SCN10A: variants seen among roughly 807,000 people sequenced by gnomAD.
SCN10A encodes the protein sodium channel protein type 10 subunit alpha.
In SCN10A, 162 loss-of-function variants were observed where a neutral mutation model predicts 170.7. The ratio of observed to expected loss-of-function variants is 0.95; its 90% CI spans 0.84 to 1.08. The LOEUF (loss-of-function observed/expected upper bound fraction) is 1.08. Among genes scored for constraint, SCN10A ranks in the 50% least tolerant of loss-of-function variants. The pLI is 0.00. For missense variants in SCN10A, 2,527 were observed against 2,436.9 expected (o/e 1.04, Z -0.78); for synonymous variants, 985 against 904.6 (o/e 1.09, Z -1.59).
intron 3 of SCN10A, among the ~76,000 whole-genome samples, chr3:38,790,092 C>T (rs949893012): frequency 2.6e-5 from 4 of 152,064 alleles, no homozygotes; most frequent in Non-Finnish European, 5.9e-5. Context: ...ACCACATTTT[C>T]CTGCTGACTT....
At position 38,697,283 on chromosome 3, in the gene SCN10A, G is replaced by A. The variant is rs2063098645; in HGVS notation, c.*66C>T. Reference sequence around the variant, plus strand: ...CTGTAGCTGGGTGTGATCTGCAATGGGAAAGAGTTAACACAGAGCAGAAGG... The same window carrying A: ...CTGTAGCTGGGTGTGATCTGCAATGAGAAAGAGTTAACACAGAGCAGAAGG... On this transcript the variant is annotated 3_prime_UTR_variant, in exon 28 of 28. Transcript: ENST00000449082. The A allele has an allele frequency of 6.4e-7, 1 of 1,570,270 alleles. No homozygotes were observed. Among genetic ancestry groups the A allele is most frequent in the African/African-American group, 1.4e-5 (1 of 73,934 alleles).
chr3:38,763,468 G>A (rs372731104), intron 6 of SCN10A, 37 bp downstream of exon 6: 14 of 1,515,584 alleles, frequency 9.2e-6, no homozygotes, highest in Non-Finnish European at 1.1e-5. Flanking sequence ...GAGTTAGGCT[G>A]TGAAAACCAA....
intron 27 of SCN10A, 113 bp downstream of exon 27, chr3:38,701,726 A>G: frequency 9.9e-7 from 1 of 1,014,804 alleles, no homozygotes; most frequent in Middle Eastern, 2.6e-4. Context: ...GGGTTCTTCT[A>G]ACATAAACAC....
chr3:38,752,615 T>C, intron 11 of SCN10A, 103 bp from the exon 12 acceptor site: 4 of 916,336 alleles, frequency 4.4e-6, no homozygotes, highest in East Asian at 3.1e-5. Flanking sequence ...TGCCCCTGTC[T>C]TTATGACCTT....
At position 38,745,349 on chromosome 3, in the gene SCN10A, C is replaced by T. The variant is rs73826321; in HGVS notation, c.1868-2820G>A. 5.0e-3 allele frequency among the ~76,000 whole-genome samples: 763 copies of T among 152,290 alleles called. 10 individuals carry two copies. The highest frequency in any genetic ancestry group is 0.017 in the African/African-American group (722 of 41,556). On this transcript the variant is annotated intron_variant, in intron 13 of 27. Transcript: ENST00000449082. ...CTGCTCCTGTTAACACCAGTGTCTC[C>T]ACTGTGCATTCTCTCCTGCCACTGC...
chr3:38,746,010 A>T (rs1446971520), intron 13 of SCN10A, among the ~76,000 whole-genome samples: 1 of 141,672 alleles, frequency 7.1e-6, no homozygotes, highest in Non-Finnish European at 1.5e-5. Flanking sequence ...TACCACTTAC[A>T]TTCAAACTGC....
intron 21 of SCN10A, among the ~76,000 whole-genome samples, chr3:38,717,463 C>T (rs2063344819): frequency 6.6e-6 from 1 of 152,226 alleles, no homozygotes; most frequent in Admixed American, 6.5e-5. Context: ...AAATAATTTT[C>T]CTTTCATTTA....
chr3:38,778,951 G>A (rs1484659883), intron 4 of SCN10A, among the ~76,000 whole-genome samples: 5 of 152,012 alleles, frequency 3.3e-5, no homozygotes, highest in Admixed American at 3.3e-4. Flanking sequence ...TATGTCAACA[G>A]TTCAGTTAAT....
At chr3:38,718,604 G>A in intron 21 of SCN10A, 49 bp downstream of exon 21, 2 of 1,595,288 alleles carry the variant, frequency 1.3e-6, no homozygotes, top group Non-Finnish European at 1.7e-6. Context: ...GTAGCCAGGA[G>A]TCAGAGGGGA....
At chr3:38,797,955 T>G (rs192232408) in intron 1 of SCN10A, among the ~76,000 whole-genome samples, 9 of 152,258 alleles carry the variant, frequency 5.9e-5, no homozygotes, top group Admixed American at 5.2e-4. Context: ...AGTGATGTGA[T>G]GTAGGTATGA....
At chr3:38,771,554 G>A in intron 4 of SCN10A, 147 bp from the exon 5 acceptor site, 1 of 749,620 alleles carries the variant, frequency 1.3e-6, no homozygotes, top group South Asian at 1.8e-5. Flanking sequence ...GGGGGAAGAA[G>A]GTAAGGAGAG....
chr3:38,705,547 A>G (rs1356861957), intron 26 of SCN10A, among the ~76,000 whole-genome samples: 3 of 152,202 alleles, frequency 2.0e-5, no homozygotes, highest in Non-Finnish European at 4.4e-5. Flanking sequence ...CATTAGGGTC[A>G]TGCCTTTGTA....
chr3:38,813,966 T>C (rs1471626953), intron 1 of SCN10A, among the ~76,000 whole-genome samples: 2 of 152,204 alleles, frequency 1.3e-5, no homozygotes, highest in African/African-American at 4.8e-5. Flanking sequence ...TGCTAATATG[T>C]GCAAAGTTTT....
chr3:38,787,623 G>T, intron 4 of SCN10A, among the ~76,000 whole-genome samples: 1 of 151,622 alleles, frequency 6.6e-6, no homozygotes, highest in East Asian at 1.9e-4. Flanking sequence ...TAAGTATGAC[G>T]CTTGATACTT....
chr3:38,737,965 G>T (rs1367954850), intron 15 of SCN10A, among the ~76,000 whole-genome samples: 1 of 147,406 alleles, frequency 6.8e-6, no homozygotes, highest in Non-Finnish European at 1.5e-5. Context: ...TTTGAGACAG[G>T]TTCTTACTCT....
Position 38,789,137 on chromosome 3 carries a change from A to G in SCN10A, c.390-101T>C, listed in dbSNP as rs574289184. The G allele has an allele frequency of 6.8e-6, 5 of 740,406 alleles. No homozygotes were observed. The African/African-American group carries it at 8.7e-5, about 13-fold the overall frequency. 45.9% of individuals were successfully genotyped at this position (740,406 alleles called of 1,614,324 possible). A position where few individuals can be genotyped will look rare whatever the true frequency, so the allele number is the denominator to read the frequency against. ...ATGATTACATTCATAAATCTTAGCC[A>G]ATATTAGCTTTATGATCTTGTCACA... On this transcript the variant is annotated intron_variant, in intron 3 of 27. Transcript: ENST00000449082.
At chr3:38,719,587 G>C (rs2125995162) in intron 20 of SCN10A, among the ~76,000 whole-genome samples, 1 of 151,772 alleles carries the variant, frequency 6.6e-6, no homozygotes, top group South Asian at 2.1e-4. Flanking sequence ...TAGAGACGGG[G>C]TTTCACCGTT....
intron 26 of SCN10A, among the ~76,000 whole-genome samples, chr3:38,706,319 G>T (rs6599246): frequency 6.6e-6 from 1 of 152,170 alleles, no homozygotes; most frequent in Non-Finnish European, 1.5e-5. Context: ...GGAAAGGCTT[G>T]TTCCTTTGTT....
intron 1 of SCN10A, among the ~76,000 whole-genome samples, chr3:38,797,219 T>C (rs1380094267): frequency 1.3e-5 from 2 of 152,026 alleles, no homozygotes; most frequent in Admixed American, 1.3e-4. Flanking sequence ...TTGAATCCAA[T>C]ACCTCTGTGA....
Sources: gnomAD v4.1 joint callset for allele counts (sites outside exome capture counted in the v4.1 genomes callset) on GRCh38, gnomAD v4.1.1 for gene constraint, MANE v1.5 for transcripts, NCBI Gene and HGNC (gene_info 2026-07-23, HGNC 2026-07-21) for gene names.